Variants in PLG observed in about 807,000 individuals in gnomAD.
PLG encodes plasmin.
Under a neutral mutation model 104.4 loss-of-function variants are expected in PLG, and 41 were observed. That is an observed-to-expected ratio of 0.39 (90% CI 0.31 to 0.51). The LOEUF (loss-of-function observed/expected upper bound fraction) is 0.51, where lower values mean the gene tolerates loss of function less well. PLG is among the 20% of genes least tolerant of loss of function. The pLI is 0.76. For missense variants in PLG, 891 were observed against 1,003.6 expected, an observed-to-expected ratio of 0.89 and a Z score of 1.52; for synonymous variants, 337 against 357.1, an observed-to-expected ratio of 0.94 and a Z score of 0.63.
intron 3 of PLG, chr6:160,708,577 C>G (rs952320913): frequency 2.6e-5 from 4 of 152,156 alleles, no homozygotes; most frequent in Non-Finnish European, 4.4e-5. Context: ...AAAACTGTTT[C>G]CTCTACTGTG....
Position 160,716,674 on chromosome 6 carries a change from A to T in PLG, c.698A>T (p.Tyr233Phe). The T allele has an allele frequency of 6.2e-7, 1 of 1,611,742 alleles. No individual in the cohort carries two copies. ...CCAAACAAGAACCTGAAGAAGAATT[A>T]CTGTCGTAACCCCGATAGGGAGCTG... is the stretch of plus-strand genomic sequence containing the variant. ...KFPNKNLKKN[Y>F]CRNPDRELRP... is the part of the protein sequence containing the mutation. The change falls in exon 7 of 19, where the codon TAC becomes TTC. Residue 233 changes from tyrosine (Y) to phenylalanine (F), a missense_variant. Around this residue, in one of 2 missense-constraint regions of PLG, gnomAD observed 854 missense variants for 932.1 expected, o/e 0.92. Coordinates refer to ENST00000308192, the MANE Select transcript of PLG (RefSeq NM_000301.5).
chr6:160,733,399 G>A (rs1435219488), intron 12 of PLG, among the ~76,000 whole-genome samples: 2 of 152,158 alleles, frequency 1.3e-5, no homozygotes, highest in Non-Finnish European at 2.9e-5. Context: ...GGCTCCTGAA[G>A]GGAGACCCAT....
At chr6:160,718,545 T>TA in intron 8 of PLG, 89 bp downstream of exon 8, 1 of 1,366,294 alleles carries the variant, frequency 7.3e-7, no homozygotes, top group Middle Eastern at 1.9e-4. Flanking sequence ...GAACGCAGGA[T>TA]AAAGTATTCT....
chr6:160,723,095 G>GTA lies in PLG; in HGVS notation c.1256+536_1256+537dup, dbSNP rs1443650193. On this transcript the variant is annotated intron_variant, in intron 10 of 18. Coordinates refer to ENST00000308192, the MANE Select transcript of PLG (RefSeq NM_000301.5). This position sits in a 1 kb window ranked among gnomAD's most constrained non-coding sequence, Gnocchi z 4.7. ...ATATACAAGTATACATATATAGTGT[G>GTA]TATATATATGTACACATATATGTGT... Among the ~76,000 whole-genome samples the GTA allele has an allele frequency of 1.3e-5, 2 of 150,574 alleles. No homozygotes were observed. Among genetic ancestry groups the GTA allele is most frequent in the African/African-American group, 2.4e-5 (1 of 40,828 alleles).
chr6:160,752,839 A>C lies in PLG; in HGVS notation c.2272-61A>C, dbSNP rs1778428432. The stretch of plus-strand genomic sequence containing the variant: ...TATATATGGATAGTAGAAGGATGGC[A>C]TCCCATAATAAAAGGCAGGCAGCCT... On this transcript the variant is annotated intron_variant, in intron 18 of 18. Transcript: ENST00000308192. The surrounding 1 kb of genome is among the most constrained non-coding windows in gnomAD (Gnocchi z 4.7). The C allele has an allele frequency of 3.2e-6, 5 of 1,554,222 alleles. No homozygotes were observed. The highest frequency in any genetic ancestry group is 4.4e-6 in the Non-Finnish European group (5 of 1,125,716).
intron 17 of PLG, among the ~76,000 whole-genome samples, chr6:160,746,507 A>G (rs1024151386): frequency 2.0e-5 from 3 of 152,176 alleles, no homozygotes; most frequent in African/African-American, 7.2e-5. Context: ...TTTTTAAACC[A>G]GTGATTTTGT....
intron 17 of PLG, among the ~76,000 whole-genome samples, chr6:160,746,009 G>T (rs1165769949): frequency 1.3e-5 from 2 of 152,142 alleles, no homozygotes; most frequent in African/African-American, 4.8e-5. Flanking sequence ...TTAGATTGAT[G>T]GGGTTCCCTT....
chr6:160,733,399 G>C (rs1435219488), intron 12 of PLG, among the ~76,000 whole-genome samples: 1 of 152,158 alleles, frequency 6.6e-6, no homozygotes, highest in Admixed American at 6.5e-5. Flanking sequence ...GGCTCCTGAA[G>C]GGAGACCCAT....
chr6:160,727,937 G>A (rs1430033962), intron 10 of PLG, among the ~76,000 whole-genome samples: 1 of 151,368 alleles, frequency 6.6e-6, no homozygotes, highest in East Asian at 1.9e-4. Context: ...ATTGCCATAA[G>A]ACCTGAAAAC....
chr6:160,720,547 G>A (rs1338790832), intron 9 of PLG, among the ~76,000 whole-genome samples: 1 of 150,866 alleles, frequency 6.6e-6, no homozygotes, highest in Non-Finnish European at 1.5e-5. Context: ...AGCCTCCTGA[G>A]GAGCTGGGAC....
chr6:160,713,284 T>TTTC (rs904320212), intron 5 of PLG, 159 bp downstream of exon 5: 2 of 674,748 alleles, frequency 3.0e-6, no homozygotes, highest in African/African-American at 1.8e-5. Context: ...TTTTTTTTTT[T>TTTC]TCTGAGACAG....
At chr6:160,747,412 T>C (rs1437402495) in intron 17 of PLG, among the ~76,000 whole-genome samples, 2 of 152,184 alleles carry the variant, frequency 1.3e-5, no homozygotes, top group African/African-American at 4.8e-5. Flanking sequence ...TGTCTTAGGA[T>C]CCCTGCTGCA....
In PLG at chr6:160,736,743, G is replaced by T. The variant is rs1778087558; in HGVS notation, c.1682-144G>T. On this transcript the variant is annotated intron_variant, in intron 13 of 18. Coordinates refer to ENST00000308192, the MANE Select transcript of PLG (RefSeq NM_000301.5). This position sits in a 1 kb window ranked among gnomAD's most constrained non-coding sequence, Gnocchi z 5.2. ...TCTACTACCACTTTTGAAACTTAGA[G>T]AAAATGTTCCAAAAGATGATGATTT... The T allele has an allele frequency of 9.4e-7, 1 of 1,059,824 alleles. No homozygotes were observed. Among genetic ancestry groups the T allele is most frequent in the Non-Finnish European group, 1.4e-6 (1 of 711,638 alleles). 65.7% of individuals were successfully genotyped at this position (1,059,824 alleles called of 1,614,324 possible).
rs960635013 is a variant in PLG, at chr6:160,741,151, A to C, written c.2019-160A>C. On this transcript the variant is annotated intron_variant, in intron 16 of 18. Transcript: ENST00000308192. This position sits in a 1 kb window ranked among gnomAD's most constrained non-coding sequence, Gnocchi z 4.7. ...ATAGTCCATAGACAACCACAGGCAA[A>C]TGTGAGGGTGAAACTCTGTGTTCTA... Among the ~76,000 whole-genome samples the C allele has an allele frequency of 1.3e-5, 2 of 152,202 alleles. No homozygotes were observed. The highest frequency in any genetic ancestry group is 1.3e-4 in the Admixed American group (2 of 15,290).
chr6:160,717,478 C>A (rs1422500266), intron 7 of PLG, among the ~76,000 whole-genome samples: 2 of 151,614 alleles, frequency 1.3e-5, no homozygotes, highest in Admixed American at 6.6e-5. Flanking sequence ...TTTTCAGTTT[C>A]TCTTTTTGTC....
Position 160,741,353 on chromosome 6 carries a change from A to G in PLG, c.2061A>G (p.Pro687=). ...ACAAAGTAATCCCAGCTTGTCTGCCATCCCCAAATTATGTGGTCGCTGACC... is the reference window on the plus strand; with the variant it reads ...ACAAAGTAATCCCAGCTTGTCTGCCGTCCCCAAATTATGTGGTCGCTGACC... ...ITDKVIPACL[P]SPNYVVADRT... is the part of the protein sequence containing the mutation. The change falls in exon 17 of 19, where the codon CCA becomes CCG. Residue 687 remains proline (P), a synonymous_variant. Coordinates refer to ENST00000308192, the MANE Select transcript of PLG (RefSeq NM_000301.5). The surrounding 1 kb of genome is among the most constrained non-coding windows in gnomAD (Gnocchi z 4.7). 1.9e-6 allele frequency: 3 copies of G among 1,613,406 alleles called. No individual in the cohort carries two copies. The highest frequency in any genetic ancestry group is 1.7e-5 in the Admixed American group (1 of 60,030).
In PLG at chr6:160,752,110, CA is replaced by C. The variant is rs1778411927; in HGVS notation, c.2126-4del. On this transcript the variant is annotated splice_polypyrimidine_tract_variant and splice_region_variant and intron_variant, in intron 17 of 18. Transcript: ENST00000308192. This position sits in a 1 kb window ranked among gnomAD's most constrained non-coding sequence, Gnocchi z 4.7. The stretch of plus-strand genomic sequence containing the variant: ...TTGCCATTTCTTTCATCTTTTTAAA[CA>C]CAGGTACTTTTGGAGCTGGCCTTCT... 1 of 1,612,650 alleles carries C rather than the reference CA, an allele frequency of 6.2e-7. No individual in the cohort carries two copies. Among genetic ancestry groups the C allele is most frequent in the South Asian group, 1.1e-5 (1 of 91,056 alleles).
intron 17 of PLG, among the ~76,000 whole-genome samples, chr6:160,748,355 A>G (rs150163599): frequency 3.5e-5 from 1 of 28,922 alleles, no homozygotes; most frequent in Non-Finnish European, 6.9e-5. Context: ...AGAAAGAGAA[A>G]GAAAGAAAGA....
At chr6:160,708,522 A>T (rs1159189109) in intron 3 of PLG, 1 of 152,434 alleles carries the variant, frequency 6.6e-6, no homozygotes, top group South Asian at 2.1e-4. Flanking sequence ...CCCATTAAGC[A>T]TATCCCATCA....
Sources: gnomAD v4.1 joint callset for allele counts (sites outside exome capture counted in the v4.1 genomes callset) on GRCh38, gnomAD v4.1.1 for gene constraint, gnomAD v4.1.1 regional missense constraint, Gnocchi (gnomAD v3.1) non-coding constraint, MANE v1.5 for transcripts, NCBI Gene and HGNC (gene_info 2026-07-23, HGNC 2026-07-21) for gene names.